The following SAFB variants were observed in gnomAD, a reference collection of about 807,000 sequenced individuals.
SAFB encodes the protein scaffold attachment factor B.
Under a neutral mutation model 101.6 loss-of-function variants are expected in SAFB, and 15 were observed. The ratio of observed to expected loss-of-function variants is 0.15; its 90% confidence interval spans 0.10 to 0.23. The LOEUF is 0.23. SAFB is among the 10% of genes least tolerant of loss of function. SAFB has a pLI of 1.00. For synonymous variants in SAFB, 449 were observed against 407.5 expected (o/e 1.10, Z -1.23); for missense variants, 930 against 1,104.1 (o/e 0.84, Z 2.23).
intron 11 of SAFB, 36 bp from the exon 12 acceptor site, chr19:5,654,025 G>C: frequency 6.2e-7 from 1 of 1,608,156 alleles, no homozygotes; most frequent in Admixed American, 1.7e-5. Flanking sequence ...ACAGGCATGA[G>C]CCACCACGCC....
intron 1 of SAFB, 104 bp from the exon 2 acceptor site, chr19:5,626,301 G>A: frequency 1.4e-6 from 1 of 720,284 alleles, no homozygotes; most frequent in Admixed American, 2.2e-5. Flanking sequence ...GGCGGCAGCA[G>A]CTTTTTGATC....
At chr19:5,633,702 C>T (rs142896679) in intron 2 of SAFB, among the ~76,000 whole-genome samples, 2,557 of 152,014 alleles carry the variant, frequency 0.017, 45 homozygotes, top group East Asian at 0.027. Context: ...TGGCGTGAAC[C>T]CGGGAGGTGG....
intron 2 of SAFB, among the ~76,000 whole-genome samples, chr19:5,638,693 T>A (rs1470252239): frequency 6.6e-6 from 1 of 151,742 alleles, no homozygotes; most frequent in Non-Finnish European, 1.5e-5. Context: ...TAGTTTCTTT[T>A]TTTTTATACT....
At chr19:5,623,493 C>T (rs904999367) in intron 1 of SAFB, 99 bp downstream of exon 1, 70 of 1,042,180 alleles carry the variant, frequency 6.7e-5, no homozygotes, top group Non-Finnish European at 8.6e-5. Flanking sequence ...CGGCCGCGTT[C>T]GCGGCCTCGC....
chr19:5,657,097 G>T, intron 13 of SAFB, 144 bp from the exon 14 acceptor site: 1 of 608,698 alleles, frequency 1.6e-6, no homozygotes, highest in Non-Finnish European at 2.9e-6. Flanking sequence ...TAGAGTCAAG[G>T]TTTCACCATG....
chr19:5,642,197 C>T, intron 4 of SAFB: 2 of 538,696 alleles, frequency 3.7e-6, no homozygotes, highest in East Asian at 3.9e-5. Context: ...CATTCAGACT[C>T]TTCCTGTTGC....
At chr19:5,648,082 A>T in intron 6 of SAFB, 39 bp downstream of exon 6, 2 of 1,554,052 alleles carry the variant, frequency 1.3e-6, no homozygotes. Context: ...GGGGTTTGGA[A>T]CCATTCTAGT....
chr19:5,661,425 G>T, intron 14 of SAFB, 93 bp from the exon 15 acceptor site: 2 of 1,559,652 alleles, frequency 1.3e-6, no homozygotes, highest in Non-Finnish European at 1.7e-6. Flanking sequence ...GCACAGCCCT[G>T]GAGTCTGTGC....
Position 5,668,307 on chromosome 19 carries a change from T to C in SAFB, c.*16T>C. On this transcript the variant is annotated 3_prime_UTR_variant, in exon 21 of 21. Transcript: ENST00000588852. ...CCGCTACTGAGTACTTGGAATCCTG[T>C]GTCCTGTCTCGTGGCAACAAGGCTA... 6.2e-7 allele frequency: 1 copy of C among 1,606,618 alleles called. No homozygotes were observed. Among genetic ancestry groups the C allele is most frequent in the South Asian group, 1.1e-5 (1 of 90,140 alleles).
At position 5,641,773 on chromosome 19, in the gene SAFB, G is replaced by A. The variant is rs538698847; in HGVS notation, c.373G>A (p.Asp125Asn). The change falls in exon 4 of 21, where the codon GAC (aspartate) becomes AAC (asparagine). Residue 125 changes from aspartate (D) to asparagine (N), a missense_variant. Asp to Asn is a conservative substitution (Grantham distance 23). Transcript: ENST00000588852. ...TGAGACCAGTCTGGAGAACTTGCAG[G>A]ACATCGACATCATGGATATCAGTGT... The part of the protein sequence containing the change: ...DVETSLENLQ[D>N]IDIMDISVLD... 6.2e-7 allele frequency: 1 copy of A among 1,614,102 alleles called. No homozygotes were observed. Among genetic ancestry groups the A allele is most frequent in the South Asian group, 1.1e-5 (1 of 91,074 alleles).
At chr19:5,657,066 C>T (rs185428325) in intron 13 of SAFB, among the ~76,000 whole-genome samples, 175 bp from the exon 14 acceptor site, 19 of 152,120 alleles carry the variant, frequency 1.2e-4, no homozygotes, top group Admixed American at 5.9e-4. Flanking sequence ...CCACTGCGCC[C>T]GGCAATTTTT....
In SAFB at chr19:5,623,156, A is replaced by T. The variant is rs1320682806; in HGVS notation, c.-50A>T. The T allele has an allele frequency of 6.5e-7, 1 of 1,537,580 alleles. No homozygotes were observed. Among genetic ancestry groups the T allele is most frequent in the East Asian group, 2.4e-5 (1 of 40,838 alleles). Reference sequence around the variant, plus strand: ...GCCATTTTGTGCTAGGAGCCTGATAAAACCGGCCCGGTTCTGTGGAAAGTG... The same window carrying T: ...GCCATTTTGTGCTAGGAGCCTGATATAACCGGCCCGGTTCTGTGGAAAGTG... On this transcript the variant is annotated 5_prime_UTR_variant, in exon 1 of 21. Coordinates refer to ENST00000588852, the MANE Select transcript of SAFB (RefSeq NM_001201338.2).
chr19:5,656,973 G>A (rs921098145), intron 13 of SAFB, among the ~76,000 whole-genome samples: 4 of 151,788 alleles, frequency 2.6e-5, no homozygotes, highest in Non-Finnish European at 4.4e-5. Context: ...GGGTTTCACC[G>A]TGTTAGCCAA....
rs1458235899 is a variant in SAFB, at chr19:5,667,674, T to C, written c.2558-146T>C. ...CTGCTGGGAGGAAGCTGGACGTCTATGGTCCCTGTGCCCAGGTGTCTTCCT... is the reference window on the plus strand; with the variant it reads ...CTGCTGGGAGGAAGCTGGACGTCTACGGTCCCTGTGCCCAGGTGTCTTCCT... On this transcript the variant is annotated intron_variant, in intron 19 of 20. Coordinates refer to ENST00000588852, the MANE Select transcript of SAFB (RefSeq NM_001201338.2). This position sits in a 1 kb window ranked among gnomAD's most constrained non-coding sequence, Gnocchi z 4.0. The C allele has an allele frequency of 1.3e-6, 1 of 781,642 alleles. No individual in the cohort carries two copies. The highest frequency in any genetic ancestry group is 2.3e-5 in the Admixed American group (1 of 42,790). 48.4% of individuals were successfully genotyped at this position (781,642 alleles called of 1,614,324 possible).
chr19:5,631,094 G>T (rs535844311), intron 2 of SAFB, among the ~76,000 whole-genome samples: 6 of 152,238 alleles, frequency 3.9e-5, no homozygotes, highest in African/African-American at 1.4e-4. Flanking sequence ...GGAGACTGAG[G>T]CAGGAGAATC....
intron 14 of SAFB, among the ~76,000 whole-genome samples, chr19:5,660,618 C>G (rs2054175814): frequency 6.7e-6 from 1 of 148,542 alleles, no homozygotes; most frequent in Non-Finnish European, 1.5e-5. Flanking sequence ...TGGTTCATGC[C>G]TATAATCCCA....
chr19:5,667,007 C>T lies in SAFB; in HGVS notation c.2335-39C>T, dbSNP rs142228578. On this transcript the variant is annotated intron_variant, in intron 17 of 20. Transcript: ENST00000588852. The surrounding 1 kb of genome is among the most constrained non-coding windows in gnomAD (Gnocchi z 4.0). ...AAGCCTTGGGGTCTGGGCGCTGACA[C>T]TGAAGCTTTTTTTTCCCTTCTGGCT... 821 of 1,335,116 alleles carry T rather than the reference C, an allele frequency of 6.1e-4. 3 individuals carry two copies. The African/African-American group carries it at 0.011, about 17-fold the overall frequency. 82.7% of individuals were successfully genotyped at this position (1,335,116 alleles called of 1,614,324 possible).
chr19:5,660,125 A>G (rs2054161583), intron 14 of SAFB, among the ~76,000 whole-genome samples: 1 of 152,190 alleles, frequency 6.6e-6, no homozygotes, highest in Non-Finnish European at 1.5e-5. Flanking sequence ...GTTGTCCCAG[A>G]AACGACTGGC....
At chr19:5,653,709 TGCC>T (rs2053991390) in intron 11 of SAFB, among the ~76,000 whole-genome samples, 1 of 150,132 alleles carries the variant, frequency 6.7e-6, no homozygotes, top group South Asian at 2.1e-4. Flanking sequence ...GTGATCCGCC[TGCC>T]TCGGCCTCCC....
Sources: allele counts gnomAD v4.1 joint callset (sites outside exome capture counted in the v4.1 genomes callset), GRCh38; gene constraint gnomAD v4.1.1; non-coding constraint Gnocchi (gnomAD v3.1); transcripts MANE v1.5; gene names NCBI Gene and HGNC (gene_info 2026-07-23, HGNC 2026-07-21).